The following XPOT variants were observed in gnomAD, a reference collection of about 807,000 sequenced individuals.
XPOT encodes exportin for tRNA, also known as exportin-T.
Under a neutral mutation model 128.2 loss-of-function variants are expected in XPOT, and 34 were observed. The observed-to-expected ratio is 0.27, with a 90% CI of 0.20 to 0.35. The LOEUF (loss-of-function observed/expected upper bound fraction) is 0.35, where lower values mean the gene tolerates loss of function less well. Ranked by LOEUF, XPOT falls within the 10% of genes least tolerant of loss-of-function variation. The pLI is 1.00. For synonymous variants in XPOT, 348 were observed against 394.3 expected (o/e 0.88, Z 1.39); for missense variants, 838 against 1,125.3 (o/e 0.74, Z 3.65).
At chr12:64,426,305 A>AG (rs1211106616) in intron 15 of XPOT, among the ~76,000 whole-genome samples, 2 of 151,452 alleles carry the variant, frequency 1.3e-5, no homozygotes, top group Non-Finnish European at 2.9e-5. Flanking sequence ...TCTCAAAAAA[A>AG]AAAAAAAAGA....
intron 4 of XPOT, among the ~76,000 whole-genome samples, chr12:64,417,418 C>T (rs369697703): frequency 8.4e-4 from 127 of 152,004 alleles, no homozygotes; most frequent in African/African-American, 2.9e-3. Context: ...CATGATTGCG[C>T]GCTTCTGTAT....
intron 1 of XPOT, among the ~76,000 whole-genome samples, chr12:64,408,040 C>T (rs2039999461): frequency 6.6e-6 from 1 of 152,144 alleles, no homozygotes; most frequent in Non-Finnish European, 1.5e-5. Flanking sequence ...AGGCTTTTCT[C>T]CCCTACCCCC....
At chr12:64,442,231 C>T (rs552558663) in intron 23 of XPOT, among the ~76,000 whole-genome samples, 22 of 152,254 alleles carry the variant, frequency 1.4e-4, no homozygotes, top group Non-Finnish European at 2.4e-4. Context: ...AGCAATTCTC[C>T]GGGTTCAAGC....
intron 16 of XPOT, 79 bp downstream of exon 16, chr12:64,428,199 A>G: frequency 1.0e-6 from 1 of 1,001,778 alleles, no homozygotes; most frequent in Non-Finnish European, 1.5e-6. Flanking sequence ...CTTTGTTGGC[A>G]TTTAAAAAAA....
chr12:64,405,758 C>CA (rs1488395571), intron 1 of XPOT, among the ~76,000 whole-genome samples: 1 of 151,952 alleles, frequency 6.6e-6, no homozygotes, highest in African/African-American at 2.4e-5. Context: ...AGCTCTATTA[C>CA]AGGTGCGCCC....
chr12:64,416,585 C>A, intron 3 of XPOT, 113 bp from the exon 4 acceptor site: 1 of 777,266 alleles, frequency 1.3e-6, no homozygotes, highest in Non-Finnish European at 2.1e-6. Flanking sequence ...TGAAACAAGC[C>A]AAAGGTCTAG....
chr12:64,420,552 A>C, intron 8 of XPOT, 31 bp downstream of exon 8: 1 of 1,567,628 alleles, frequency 6.4e-7, no homozygotes. Context: ...CATTGTATGT[A>C]AAGTTGTTAG....
intron 15 of XPOT, among the ~76,000 whole-genome samples, chr12:64,426,298 CAAA>C (rs144538945): frequency 1.6e-5 from 2 of 123,710 alleles, no homozygotes; most frequent in African/African-American, 3.1e-5. Flanking sequence ...GACTCAGTCT[CAAA>C]AAAAAAAAAA....
intron 19 of XPOT, 93 bp from the exon 20 acceptor site, chr12:64,434,414 T>C (rs2040265951): frequency 1.3e-6 from 1 of 796,966 alleles, no homozygotes; most frequent in Admixed American, 2.3e-5. Flanking sequence ...CTGTAAATGA[T>C]TTTTGACTTG....
chr12:64,431,069 A>G (rs928873661), intron 17 of XPOT, among the ~76,000 whole-genome samples: 1 of 152,028 alleles, frequency 6.6e-6, no homozygotes, highest in East Asian at 1.9e-4. Flanking sequence ...CTCAGCCTCC[A>G]AGTAGCTGGG....
Position 64,425,020 on chromosome 12 carries a change from C to A in XPOT, c.1308-18C>A. 6.2e-7 allele frequency: 1 copy of A among 1,611,820 alleles called. No homozygotes were observed. The highest frequency in any genetic ancestry group is 8.5e-7 in the Non-Finnish European group (1 of 1,179,730). On this transcript the variant is annotated intron_variant, in intron 12 of 24. Coordinates refer to ENST00000332707, the MANE Select transcript of XPOT (RefSeq NM_007235.6). ...AAAATTTATCTTTAAATCTCACTGACATATTATACCTTGGTAGGAATTGGC... is the reference window on the plus strand; with the variant it reads ...AAAATTTATCTTTAAATCTCACTGAAATATTATACCTTGGTAGGAATTGGC...
rs2040399717 is a variant in XPOT, at chr12:64,450,212, G to A, written c.*2081G>A. ...AGTCTATCACCCAGGCTGGAGTGCA[G>A]TGGTGACATCATAGCTCACTGTAAC... On this transcript the variant is annotated 3_prime_UTR_variant, in exon 25 of 25. Coordinates refer to ENST00000332707, the MANE Select transcript of XPOT (RefSeq NM_007235.6). 6.6e-6 allele frequency: 1 copy of A among 150,992 alleles called. No individual in the cohort carries two copies. The highest frequency in any genetic ancestry group is 2.1e-4 in the South Asian group (1 of 4,788). 9.4% of individuals were successfully genotyped at this position (150,992 alleles called of 1,614,324 possible).
At position 64,450,706 on chromosome 12, in the gene XPOT, T is replaced by C. The variant is rs2040405180; in HGVS notation, c.*2575T>C. ...TTTCCAAAAGCAAGTACTCAAATAA[T>C]TGTCTCAAGAGAGGAAGGACAAAAC... is the stretch of plus-strand genomic sequence containing the variant. On this transcript the variant is annotated 3_prime_UTR_variant, in exon 25 of 25. Transcript: ENST00000332707. 2 of 152,176 alleles carry C rather than the reference T, an allele frequency of 1.3e-5. No individual in the cohort carries two copies. The highest frequency in any genetic ancestry group is 6.5e-5 in the Admixed American group (1 of 15,280). The allele number at this position is 152,176 out of a possible 1,614,324, so 9.4% of individuals were successfully genotyped here. A position where few individuals can be genotyped will look rare whatever the true frequency, so the allele number is the denominator to read the frequency against.
At chr12:64,408,085 G>A (rs2039999928) in intron 1 of XPOT, among the ~76,000 whole-genome samples, 1 of 151,990 alleles carries the variant, frequency 6.6e-6, no homozygotes, top group Non-Finnish European at 1.5e-5. Flanking sequence ...TTGGTTAACG[G>A]TAATTGAAAC....
chr12:64,411,966 TA>T (rs2040042020), intron 2 of XPOT, among the ~76,000 whole-genome samples: 1 of 151,938 alleles, frequency 6.6e-6, no homozygotes, highest in Non-Finnish European at 1.5e-5. Flanking sequence ...AGGCTTTGTT[TA>T]AAAACTAAAA....
At chr12:64,434,959 ATTTC>A in intron 21 of XPOT, 50 bp downstream of exon 21, 1 of 1,458,100 alleles carries the variant, frequency 6.9e-7, no homozygotes, top group Non-Finnish European at 9.5e-7. Flanking sequence ...TATATTCCCA[ATTTC>A]TTCTTTAATG....
At chr12:64,427,293 G>A (rs897357015) in intron 15 of XPOT, among the ~76,000 whole-genome samples, 1 of 151,682 alleles carries the variant, frequency 6.6e-6, no homozygotes, top group Non-Finnish European at 1.5e-5. Flanking sequence ...CTAATTTTTT[G>A]TATTTTTAGT....
intron 9 of XPOT, among the ~76,000 whole-genome samples, chr12:64,422,382 T>TG (rs1251683873): frequency 6.6e-6 from 1 of 152,228 alleles, no homozygotes; most frequent in African/African-American, 2.4e-5. Context: ...TGGAAAGGTA[T>TG]GATCACTATT....
chr12:64,428,849 TATAAAA>T (rs2040213871), intron 16 of XPOT, among the ~76,000 whole-genome samples: 1 of 152,192 alleles, frequency 6.6e-6, no homozygotes, highest in African/African-American at 2.4e-5. Flanking sequence ...CATAAACAGT[TATAAAA>T]ATGACAGTTA....
Sources: gnomAD v4.1 joint callset for allele counts (sites outside exome capture counted in the v4.1 genomes callset) on GRCh38, gnomAD v4.1.1 for gene constraint, MANE v1.5 for transcripts, NCBI Gene and HGNC (gene_info 2026-07-23, HGNC 2026-07-21) for gene names.